Variants in REEP3 observed in about 807,000 individuals in gnomAD.
REEP3 encodes the protein receptor expression-enhancing protein 3.
Under a neutral mutation model 41.3 loss-of-function variants are expected in REEP3, and 20 were observed. The ratio of observed to expected loss-of-function variants is 0.48; its 90% CI spans 0.34 to 0.70. REEP3 has a LOEUF of 0.70. REEP3 is among the 30% of genes least tolerant of loss of function. The pLI is 0.01. For synonymous variants in REEP3, 104 were observed against 101.8 expected, an observed-to-expected ratio of 1.02 and a Z score of -0.13; for missense variants, 271 against 308.8, an observed-to-expected ratio of 0.88 and a Z score of 0.92.
intron 5 of REEP3, among the ~76,000 whole-genome samples, chr10:63,601,427 G>A (rs573882851): frequency 6.6e-6 from 1 of 152,276 alleles, no homozygotes; most frequent in Admixed American, 6.5e-5. Flanking sequence ...CCACAAAAAA[G>A]AAAACCCATG....
chr10:63,620,786 TTAA>T, intron 7 of REEP3, 24 bp from the exon 8 acceptor site: 5 of 1,496,986 alleles, frequency 3.3e-6, no homozygotes, highest in Non-Finnish European at 4.6e-6. Flanking sequence ...CATCTAATTC[TTAA>T]TAATAAAACA....
intron 3 of REEP3, among the ~76,000 whole-genome samples, chr10:63,596,298 A>T (rs1351889652): frequency 6.8e-6 from 1 of 146,798 alleles, no homozygotes; most frequent in Non-Finnish European, 1.5e-5. Context: ...TTTGTTTTTA[A>T]GTGACAGAGC....
rs894208584 is a variant in REEP3 at position 63,623,382 on chromosome 10, TCCTTTTAAGTCTA to T, written c.*2515_*2527del. 2.0e-5 allele frequency: 3 copies of T among 152,210 alleles called. No homozygotes were observed. The highest frequency in any genetic ancestry group is 2.9e-5 in the Non-Finnish European group (2 of 68,042). 9.4% of individuals were successfully genotyped at this position (152,210 alleles called of 1,614,324 possible). A position where few individuals can be genotyped will look rare whatever the true frequency, so the allele number is the denominator to read the frequency against. ...GGTAGAACAGATCTTTTTTTGTTTCTCCTTTTAAGTCTACTGGTTTTAAAAGAGGTAAATGTAT... is the reference window on the plus strand; with the variant it reads ...GGTAGAACAGATCTTTTTTTGTTTCTCTGGTTTTAAAAGAGGTAAATGTAT... On this transcript the variant is annotated 3_prime_UTR_variant, in exon 8 of 8. Coordinates refer to ENST00000373758, the MANE Select transcript of REEP3 (RefSeq NM_001001330.3).
intron 5 of REEP3, among the ~76,000 whole-genome samples, chr10:63,603,386 A>G (rs1956192873): frequency 6.6e-6 from 1 of 151,772 alleles, no homozygotes; most frequent in Non-Finnish European, 1.5e-5. Context: ...TCACAGGAAT[A>G]CTTTTCTGTA....
chr10:63,521,539 C>A lies in REEP3; in HGVS notation c.-7C>A, dbSNP rs1955242197. The A allele has an allele frequency of 4.2e-6, 6 of 1,432,822 alleles. No individual in the cohort carries two copies. The highest frequency in any genetic ancestry group is 5.5e-6 in the Non-Finnish European group (6 of 1,082,668). The allele number at this position is 1,432,822 out of a possible 1,614,324, so 88.8% of individuals were successfully genotyped here. On this transcript the variant is annotated 5_prime_UTR_variant, in exon 1 of 8. Transcript: ENST00000373758. ...GCCCCGGACGTGGGGCCCAAGCCCC[C>A]GTGAAGATGGTGTCCTGGATGATCT... is the stretch of plus-strand genomic sequence containing the variant.
intron 6 of REEP3, among the ~76,000 whole-genome samples, chr10:63,614,791 T>C (rs974681603): frequency 1.3e-5 from 2 of 152,230 alleles, no homozygotes; most frequent in Non-Finnish European, 2.9e-5. Flanking sequence ...TAGGCACTTT[T>C]TATGAGTTTA....
intron 1 of REEP3, among the ~76,000 whole-genome samples, chr10:63,539,528 T>G (rs1313707933): frequency 1.3e-5 from 2 of 152,160 alleles, no homozygotes; most frequent in Non-Finnish European, 2.9e-5. Flanking sequence ...TACAGTGGTG[T>G]GTACCTATGG....
chr10:63,527,366 A>G (rs1955375288), intron 1 of REEP3, among the ~76,000 whole-genome samples: 2 of 152,154 alleles, frequency 1.3e-5, no homozygotes, highest in Non-Finnish European at 2.9e-5. Flanking sequence ...CTTTAGAGCA[A>G]AAATTCCTCA....
chr10:63,523,652 A>G lies in REEP3; in HGVS notation c.32+2075A>G, dbSNP rs148329106. Among the ~76,000 whole-genome samples, 465 of 152,288 alleles carry G rather than the reference A, an allele frequency of 3.1e-3. 1 individual carries two copies. Among genetic ancestry groups the G allele is most frequent in the Non-Finnish European group, 4.6e-3 (312 of 68,016 alleles). On this transcript the variant is annotated intron_variant, in intron 1 of 7. Transcript: ENST00000373758. ...CTGTGCCTCAGAAAAAAAACAAAAAAGAATGGACAGAATCTAGGCAGCCAA... is the reference window on the plus strand; with the variant it reads ...CTGTGCCTCAGAAAAAAAACAAAAAGGAATGGACAGAATCTAGGCAGCCAA...
intron 1 of REEP3, among the ~76,000 whole-genome samples, chr10:63,527,944 CT>C (rs1564990227): frequency 1.8e-4 from 14 of 78,886 alleles, no homozygotes; most frequent in Non-Finnish European, 7.0e-5. Context: ...AGAAACCTTG[CT>C]TTTTTTTGTT....
At chr10:63,565,165 C>T (rs929759866) in intron 1 of REEP3, among the ~76,000 whole-genome samples, 5 of 152,212 alleles carry the variant, frequency 3.3e-5, no homozygotes, top group African/African-American at 1.2e-4. Flanking sequence ...GAGCCTGAGG[C>T]AGGAGAATTG....
intron 2 of REEP3, among the ~76,000 whole-genome samples, chr10:63,591,931 G>A (rs1956067942): frequency 6.6e-6 from 1 of 152,206 alleles, no homozygotes; most frequent in Non-Finnish European, 1.5e-5. Context: ...CCCCTTGGAA[G>A]ATCACAACCA....
chr10:63,562,561 G>A (rs1280129649), intron 1 of REEP3: 2 of 456,428 alleles, frequency 4.4e-6, no homozygotes, highest in South Asian at 1.5e-5. Context: ...CTAGCCTTAA[G>A]GCAGAGATTG....
At chr10:63,613,050 C>G (rs1956287964) in intron 6 of REEP3, among the ~76,000 whole-genome samples, 1 of 151,808 alleles carries the variant, frequency 6.6e-6, no homozygotes, top group Admixed American at 6.6e-5. Flanking sequence ...CTACCTCTGT[C>G]ACCGAGGCTG....
chr10:63,530,370 A>G (rs1955409028), intron 1 of REEP3, among the ~76,000 whole-genome samples: 1 of 152,184 alleles, frequency 6.6e-6, no homozygotes, highest in African/African-American at 2.4e-5. Flanking sequence ...TCCATTGTGA[A>G]TAGCTTACAT....
At chr10:63,552,303 C>T (rs937154276) in intron 1 of REEP3, among the ~76,000 whole-genome samples, 2 of 151,712 alleles carry the variant, frequency 1.3e-5, no homozygotes, top group South Asian at 2.1e-4. Context: ...TCCAGCTACT[C>T]GGGAGGCTGA....
In REEP3 at chr10:63,550,846, G is replaced by A. The variant is rs548471773; in HGVS notation, c.33-15492G>A. Among the ~76,000 whole-genome samples, 7 of 152,302 alleles carry A rather than the reference G, an allele frequency of 4.6e-5. No individual in the cohort carries two copies. In the South Asian group the frequency reaches 1.2e-3, roughly 27 times the overall value. ...TATAAATGAACTAAAAATATATAGAGATACAGGTATTTGCTTGCTTTCAAT... is the reference window on the plus strand; with the variant it reads ...TATAAATGAACTAAAAATATATAGAAATACAGGTATTTGCTTGCTTTCAAT... On this transcript the variant is annotated intron_variant, in intron 1 of 7. Transcript: ENST00000373758.
intron 6 of REEP3, among the ~76,000 whole-genome samples, chr10:63,614,996 A>G (rs918113127): frequency 6.6e-6 from 1 of 152,222 alleles, no homozygotes; most frequent in Non-Finnish European, 1.5e-5. Context: ...AGGAGAAATG[A>G]TTAAGCAAAA....
At chr10:63,610,400 G>A in intron 6 of REEP3, 66 bp downstream of exon 6, 1 of 1,449,434 alleles carries the variant, frequency 6.9e-7, no homozygotes, top group Non-Finnish European at 9.4e-7. Context: ...AACATACACT[G>A]GGGCCTGTCG....
Sources: gnomAD v4.1 joint callset for allele counts (sites outside exome capture counted in the v4.1 genomes callset) on GRCh38, gnomAD v4.1.1 for gene constraint, MANE v1.5 for transcripts, NCBI Gene and HGNC (gene_info 2026-07-23, HGNC 2026-07-21) for gene names.